TEX101: variants seen among roughly 807,000 people sequenced by gnomAD.
The protein encoded by TEX101 is testis expressed 101.
Under a neutral mutation model 18.1 loss-of-function variants are expected in TEX101, and 10 were observed. That is an observed-to-expected ratio of 0.55 (90% CI 0.34 to 0.94). TEX101 has a LOEUF of 0.94. TEX101 is among the 40% of genes least tolerant of loss of function. The pLI, the probability that TEX101 is intolerant of heterozygous loss-of-function variation, is 0.02. For missense variants in TEX101, 259 were observed against 298.9 expected, an observed-to-expected ratio of 0.87 and a Z score of 0.98; for synonymous variants, 94 against 114.8, an observed-to-expected ratio of 0.82 and a Z score of 1.16.
upstream of TEX101, among the ~76,000 whole-genome samples, chr19:43,399,873 T>C: frequency 6.7e-6 from 1 of 149,436 alleles, no homozygotes; most frequent in African/African-American, 2.5e-5. Flanking sequence ...TGGAGTGCAA[T>C]GGTATGATCT....
intron 3 of TEX101, among the ~76,000 whole-genome samples, chr19:43,407,363 T>C (rs1015971195): frequency 6.6e-5 from 10 of 151,972 alleles, no homozygotes; most frequent in Non-Finnish European, 1.2e-4. Context: ...CGCATGCCTG[T>C]AATCCCAGCT....
upstream of TEX101, among the ~76,000 whole-genome samples, chr19:43,414,199 C>A (rs1970446019): frequency 6.6e-6 from 1 of 152,238 alleles, no homozygotes. Context: ...AAGTGAACTG[C>A]CAGCCATGAG....
At chr19:43,395,457 C>T in the TEX101 span, among the ~76,000 whole-genome samples, 1 of 152,068 alleles carries the variant, frequency 6.6e-6, no homozygotes, top group Admixed American at 6.5e-5. Context: ...GATGTGGCTG[C>T]ATGGATTTCT....
the TEX101 span, among the ~76,000 whole-genome samples, chr19:43,388,624 TA>T: frequency 6.6e-6 from 1 of 152,076 alleles, no homozygotes; most frequent in Admixed American, 6.6e-5. Flanking sequence ...TAGGATGAAC[TA>T]TGTGTGACAA....
At chr19:43,412,574 G>T (rs1970428196), upstream of TEX101, among the ~76,000 whole-genome samples, 1 of 152,100 alleles carries the variant, frequency 6.6e-6, no homozygotes, top group South Asian at 2.1e-4. Flanking sequence ...GAGATGGAGG[G>T]ATTCTGCGAC....
chr19:43,410,527 C>T (rs148041798), upstream of TEX101, among the ~76,000 whole-genome samples: 11 of 152,194 alleles, frequency 7.2e-5, no homozygotes, highest in African/African-American at 2.4e-4. Flanking sequence ...GGATGGAATA[C>T]GGAGGGCCTG....
chr19:43,406,152 G>A (rs1461430253), intron 2 of TEX101: 1 of 249,022 alleles, frequency 4.0e-6, no homozygotes, highest in African/African-American at 2.3e-5. Context: ...GAGGCACCTT[G>A]GGACTGTTGA....
upstream of TEX101, among the ~76,000 whole-genome samples, chr19:43,397,812 TATAA>T (rs1358127586): frequency 8.7e-6 from 1 of 114,342 alleles, no homozygotes; most frequent in African/African-American, 3.3e-5. Context: ...ATTATATAAA[TATAA>T]ATATATAAAA....
intron 5 of TEX101, 35 bp from the exon 6 acceptor site, chr19:43,418,133 A>G (rs1970500385): frequency 1.2e-6 from 2 of 1,612,762 alleles, no homozygotes; most frequent in Non-Finnish European, 1.7e-6. Context: ...GTCCTAAAAC[A>G]TCTCTGTCTC....
chr19:43,396,986 G>A (rs1225333410), upstream of TEX101, among the ~76,000 whole-genome samples: 30 of 151,882 alleles, frequency 2.0e-4, no homozygotes, highest in Non-Finnish European at 3.1e-4. Context: ...ACAGGCACCC[G>A]CCACCACACC....
At chr19:43,404,040 A>C (rs905328628) in intron 2 of TEX101, among the ~76,000 whole-genome samples, 1 of 149,372 alleles carries the variant, frequency 6.7e-6, no homozygotes, top group African/African-American at 2.4e-5. Context: ...CTCTGGCTCA[A>C]AAAAAAAAAG....
intron 1 of TEX101, among the ~76,000 whole-genome samples, chr19:43,402,331 T>A (rs1213382606): frequency 1.3e-5 from 2 of 152,246 alleles, no homozygotes; most frequent in Non-Finnish European, 1.5e-5. Context: ...ATGTTGAACA[T>A]GATTACATTA....
At chr19:43,393,767 T>C in the TEX101 span, among the ~76,000 whole-genome samples, 1 of 151,222 alleles carries the variant, frequency 6.6e-6, no homozygotes, top group Non-Finnish European at 1.5e-5. Context: ...ATCTCCACTT[T>C]CCAGAGAGGA....
At chr19:43,396,047 C>T in the TEX101 span, among the ~76,000 whole-genome samples, 1 of 152,204 alleles carries the variant, frequency 6.6e-6, no homozygotes, top group Non-Finnish European at 1.5e-5. Context: ...CTTGTGTAAA[C>T]TCCCGGCCTG....
At chr19:43,410,743 A>G (rs1191264075), upstream of TEX101, among the ~76,000 whole-genome samples, 1 of 152,062 alleles carries the variant, frequency 6.6e-6, no homozygotes, top group Non-Finnish European at 1.5e-5. Context: ...CATCAGACAC[A>G]CATTCACACA....
upstream of TEX101, among the ~76,000 whole-genome samples, chr19:43,399,690 A>G (rs1970302789): frequency 6.6e-6 from 1 of 152,024 alleles, no homozygotes; most frequent in African/African-American, 2.4e-5. Flanking sequence ...TATGAAATAT[A>G]GATTTTTGTA....
At chr19:43,417,141 T>C (rs894263184) in intron 4 of TEX101, among the ~76,000 whole-genome samples, 2 of 151,988 alleles carry the variant, frequency 1.3e-5, no homozygotes, top group African/African-American at 4.8e-5. Context: ...ACGGCCCAGT[T>C]CCCCAATTTA....
At chr19:43,409,802 G>A (rs2122333344) in intron 3 of TEX101, among the ~76,000 whole-genome samples, 1 of 152,236 alleles carries the variant, frequency 6.6e-6, no homozygotes, top group East Asian at 1.9e-4. Context: ...AAACAAATGT[G>A]AGTGTAAGCA....
chr19:43,416,482 T>A lies in TEX101; in HGVS notation c.318T>A (p.Ser106Arg). ...CCGGCCTGATCGTGACCTCCTACAG[T>A]AACTACTGTGAGGATTCCTTCTGTA... ...SPPGLIVTSYSNYCEDSFCND... is the reference protein window; with the variant it reads ...SPPGLIVTSYRNYCEDSFCND... The change falls in exon 4 of 6, where the codon AGT becomes AGA. Residue 106 changes from serine to arginine, a missense_variant. Physicochemically the swap from Ser to Arg is moderately radical, Grantham distance 110. Transcript: ENST00000598265. 1 of 1,614,166 alleles carries A rather than the reference T, an allele frequency of 6.2e-7. No homozygotes were observed. The highest frequency in any genetic ancestry group is 8.5e-7 in the Non-Finnish European group (1 of 1,180,014).
Sources: allele counts gnomAD v4.1 joint callset (sites outside exome capture counted in the v4.1 genomes callset), GRCh38; gene constraint gnomAD v4.1.1; transcripts MANE v1.5; gene names NCBI Gene and HGNC (gene_info 2026-07-23, HGNC 2026-07-21).